KATNIP: variants seen among roughly 807,000 people sequenced by gnomAD.
The protein encoded by KATNIP is katanin interacting protein.
Under a neutral mutation model 174.0 loss-of-function variants are expected in KATNIP, and 126 were observed. The ratio of observed to expected loss-of-function variants is 0.72; its 90% CI spans 0.63 to 0.84. The LOEUF (loss-of-function observed/expected upper bound fraction) is 0.84. Ranked by LOEUF, KATNIP falls within the 40% of genes least tolerant of loss-of-function variation. The pLI, the probability that KATNIP is intolerant of heterozygous loss-of-function variation, is 0.00. For missense variants in KATNIP, 1,958 were observed against 2,109.7 expected (o/e 0.93, Z 1.41); for synonymous variants, 810 against 835.7 (o/e 0.97, Z 0.53).
intron 6 of KATNIP, chr16:27,654,764 C>T (rs777452110): frequency 7.2e-5 from 97 of 1,351,432 alleles, no homozygotes; most frequent in Non-Finnish European, 8.6e-5. Context: ...CATCCTAACC[C>T]CTAAGGGCTG....
rs80028032 is a variant in KATNIP, at chr16:27,631,543, T to TA, written c.408+398dup. 5.7e-3 allele frequency among the ~76,000 whole-genome samples: 678 copies of TA among 119,338 alleles called. 6 individuals carry two copies. The highest frequency in any genetic ancestry group is 0.022 in the East Asian group (93 of 4,198). 78.3% of individuals were successfully genotyped at this position (119,338 alleles called of 152,430 possible). The stretch of plus-strand genomic sequence containing the variant: ...CTGGGCAACAGAGCAAGAGCCTGTC[T>TA]AAAAAAAAAAAAAAAAACACCCTAT... On this transcript the variant is annotated intron_variant, in intron 5 of 27. Coordinates refer to ENST00000261588, the MANE Select transcript of KATNIP (RefSeq NM_015202.5).
chr16:27,676,135 T>A (rs777507449), intron 6 of KATNIP, among the ~76,000 whole-genome samples: 2 of 152,198 alleles, frequency 1.3e-5, no homozygotes, highest in African/African-American at 2.4e-5. Flanking sequence ...GTCTCTTTCC[T>A]CTCACATTTT....
Position 27,740,883 on chromosome 16 carries a change from C to A in KATNIP, c.2586C>A (p.Gly862=), listed in dbSNP as rs2081080345. 6.2e-7 allele frequency: 1 copy of A among 1,605,156 alleles called. No homozygotes were observed. Among genetic ancestry groups the A allele is most frequent in the African/African-American group, 1.3e-5 (1 of 74,996 alleles). The change falls in exon 15 of 28, where the codon GGC becomes GGA. Residue 862 remains glycine, a synonymous_variant. Coordinates refer to ENST00000261588, the MANE Select transcript of KATNIP (RefSeq NM_015202.5). ...SGRRGSRKDA[G]SSSHGDDQPA... ...GGAGGGGCTCAAGGAAGGATGCTGGCAGCAGTAGTCATGGGGACGACCAGC... is the reference window on the plus strand; with the variant it reads ...GGAGGGGCTCAAGGAAGGATGCTGGAAGCAGTAGTCATGGGGACGACCAGC...
intron 3 of KATNIP, among the ~76,000 whole-genome samples, chr16:27,621,216 A>G (rs2076184542): frequency 6.6e-6 from 1 of 151,980 alleles, no homozygotes; most frequent in Admixed American, 6.6e-5. Flanking sequence ...CTAGGAATTC[A>G]AGACTGCAGT....
chr16:27,639,076 A>G (rs1347460172), intron 5 of KATNIP, among the ~76,000 whole-genome samples: 2 of 152,216 alleles, frequency 1.3e-5, no homozygotes, highest in African/African-American at 4.8e-5. Flanking sequence ...TCACCCAACA[A>G]TAAGAAAGCA....
At chr16:27,558,390 C>T (rs1206952611) in intron 1 of KATNIP, among the ~76,000 whole-genome samples, 1 of 152,174 alleles carries the variant, frequency 6.6e-6, no homozygotes. Context: ...AGTGATCTGC[C>T]TGCCTTGGCC....
intron 2 of KATNIP, among the ~76,000 whole-genome samples, chr16:27,581,033 G>C (rs1371004010): frequency 6.6e-6 from 1 of 151,888 alleles, no homozygotes; most frequent in Non-Finnish European, 1.5e-5. Context: ...TTGAATCCAG[G>C]TTGGGCAATA....
At chr16:27,649,957 C>T (rs2077068450) in intron 6 of KATNIP, among the ~76,000 whole-genome samples, 1 of 152,114 alleles carries the variant, frequency 6.6e-6, no homozygotes, top group Non-Finnish European at 1.5e-5. Flanking sequence ...GGGCAGATCA[C>T]CTGAGATCAG....
At chr16:27,659,924 C>T (rs2077415603) in intron 6 of KATNIP, 4 of 757,190 alleles carry the variant, frequency 5.3e-6, no homozygotes, top group Non-Finnish European at 6.4e-6. Context: ...TTCTTCTGAG[C>T]ATGCACCCCC....
intron 1 of KATNIP, among the ~76,000 whole-genome samples, chr16:27,570,647 T>G (rs2090253704): frequency 6.6e-6 from 1 of 152,122 alleles, no homozygotes; most frequent in African/African-American, 2.4e-5. Flanking sequence ...GTACTATCTG[T>G]GTGTCTTGTT....
At chr16:27,626,130 A>G (rs1306043167) in intron 3 of KATNIP, among the ~76,000 whole-genome samples, 2 of 152,192 alleles carry the variant, frequency 1.3e-5, no homozygotes, top group Non-Finnish European at 2.9e-5. Context: ...TGCTGGGATT[A>G]CAGGCATGAG....
intron 6 of KATNIP, among the ~76,000 whole-genome samples, chr16:27,674,677 C>G (rs984752691): frequency 1.3e-5 from 2 of 152,228 alleles, no homozygotes; most frequent in Admixed American, 6.5e-5. Flanking sequence ...CTAATCATAT[C>G]TTCAAGGTCC....
At chr16:27,719,704 T>C (rs1220077993) in intron 13 of KATNIP, among the ~76,000 whole-genome samples, 1 of 149,276 alleles carries the variant, frequency 6.7e-6, no homozygotes. Flanking sequence ...TTTTTTTTTT[T>C]CTTAGAGACA....
intron 15 of KATNIP, among the ~76,000 whole-genome samples, chr16:27,743,494 G>A (rs2081182459): frequency 6.6e-6 from 1 of 152,158 alleles, no homozygotes; most frequent in Non-Finnish European, 1.5e-5. Context: ...CTGAGGCTCA[G>A]TCAGTGTCAG....
chr16:27,626,204 C>T (rs948625675), intron 3 of KATNIP, among the ~76,000 whole-genome samples: 2 of 151,204 alleles, frequency 1.3e-5, no homozygotes. Flanking sequence ...CCCCCGCCCC[C>T]CACTGAACAG....
chr16:27,630,860 G>A (rs1209157279), intron 4 of KATNIP, among the ~76,000 whole-genome samples: 1 of 152,042 alleles, frequency 6.6e-6, no homozygotes, highest in Admixed American at 6.6e-5. Context: ...ATATATACTG[G>A]AACTTATTTA....
chr16:27,584,911 A>G (rs2090836428), intron 2 of KATNIP, among the ~76,000 whole-genome samples: 1 of 152,244 alleles, frequency 6.6e-6, no homozygotes, highest in South Asian at 2.1e-4. Flanking sequence ...GCGGTGAGAC[A>G]GCCTGCCCTG....
intron 3 of KATNIP, among the ~76,000 whole-genome samples, chr16:27,618,835 T>G (rs2076116862): frequency 6.6e-6 from 1 of 152,238 alleles, no homozygotes; most frequent in South Asian, 2.1e-4. Flanking sequence ...TCTGTGATTG[T>G]GCAGGCTTTG....
chr16:27,695,658 C>T (rs558213492), intron 8 of KATNIP, among the ~76,000 whole-genome samples: 24 of 152,318 alleles, frequency 1.6e-4, no homozygotes, highest in African/African-American at 5.1e-4. Flanking sequence ...ACTGCTGTGT[C>T]GCCAGTGCCA....
Sources: gnomAD v4.1 joint callset for allele counts (sites outside exome capture counted in the v4.1 genomes callset) on GRCh38, gnomAD v4.1.1 for gene constraint, MANE v1.5 for transcripts, NCBI Gene and HGNC (gene_info 2026-07-23, HGNC 2026-07-21) for gene names.